TRIM36: variants seen among roughly 807,000 people sequenced by gnomAD.
TRIM36 encodes the protein tripartite motif containing 36.
Under a neutral mutation model 72.4 loss-of-function variants are expected in TRIM36, and 42 were observed. The ratio of observed to expected loss-of-function variants is 0.58; its 90% CI spans 0.45 to 0.75. The LOEUF (loss-of-function observed/expected upper bound fraction) is 0.75, where lower values mean the gene tolerates loss of function less well. Ranked by LOEUF, TRIM36 falls within the 30% of genes least tolerant of loss-of-function variation. The pLI, the probability that TRIM36 is intolerant of heterozygous loss-of-function variation, is 0.00. For synonymous variants in TRIM36, 315 were observed against 282.8 expected, an observed-to-expected ratio of 1.11 and a Z score of -1.14; for missense variants, 913 against 857.1, an observed-to-expected ratio of 1.07 and a Z score of -0.81.
chr5:115,141,425 G>A, intron 4 of TRIM36, 51 bp from the exon 5 acceptor site: 1 of 1,356,446 alleles, frequency 7.4e-7, no homozygotes, highest in Non-Finnish European at 1.0e-6. Flanking sequence ...GTTTAGCAAA[G>A]ACTTTGCAGA....
chr5:115,180,166 G>T (rs1755554375), upstream of TRIM36: 2 of 867,190 alleles, frequency 2.3e-6, no homozygotes, highest in Non-Finnish European at 1.8e-6. Context: ...ACCAGGAAAA[G>T]AGGGGAAGCG....
At chr5:115,157,146 T>TA (rs757876573) in intron 2 of TRIM36, among the ~76,000 whole-genome samples, 8,714 of 126,512 alleles carry the variant, frequency 0.069, 267 homozygotes, top group Non-Finnish European at 0.083. Flanking sequence ...ATGGCCATAA[T>TA]AAAAAAAAAA....
intron 9 of TRIM36, among the ~76,000 whole-genome samples, chr5:115,127,979 C>T (rs1752442275): frequency 6.6e-6 from 1 of 151,334 alleles, no homozygotes; most frequent in African/African-American, 2.4e-5. Flanking sequence ...TGATGTTGAC[C>T]CTGGATAGGC....
At chr5:115,173,765 T>C (rs2126955337), upstream of TRIM36, among the ~76,000 whole-genome samples, 1 of 152,328 alleles carries the variant, frequency 6.6e-6, no homozygotes, top group Middle Eastern at 3.4e-3. Flanking sequence ...TCCTCCGCAG[T>C]TTGGAGTATC....
intron 1 of TRIM36, chr5:115,177,408 A>G: frequency 1.8e-6 from 1 of 567,570 alleles, no homozygotes; most frequent in Non-Finnish European, 2.3e-6. Flanking sequence ...AGGGCAGGCC[A>G]ACTACAGGCC....
rs1254207559 is a variant in TRIM36 at position 115,144,750 on chromosome 5, G to A, written c.589-6C>T. On this transcript the variant is annotated splice_region_variant and splice_polypyrimidine_tract_variant and intron_variant, in intron 3 of 9. Coordinates refer to ENST00000513154, the MANE Select transcript of TRIM36 (RefSeq NM_001300759.2). ...TGTTCTGGGCACATTAAAATCTATT[G>A]AGTAAAGAATAAAAGTGTGATTAAG... 2 of 1,608,990 alleles carry A rather than the reference G, an allele frequency of 1.2e-6. No individual in the cohort carries two copies. Among genetic ancestry groups the A allele is most frequent in the Non-Finnish European group, 1.7e-6 (2 of 1,178,760 alleles).
At chr5:115,170,487 C>A (rs1366000793), upstream of TRIM36, among the ~76,000 whole-genome samples, 2 of 152,176 alleles carry the variant, frequency 1.3e-5, no homozygotes, top group East Asian at 3.9e-4. Context: ...CAGAGTGAGA[C>A]CCCGCCCGCC....
chr5:115,154,603 T>G (rs531102258), intron 2 of TRIM36, among the ~76,000 whole-genome samples: 29 of 152,200 alleles, frequency 1.9e-4, no homozygotes, highest in African/African-American at 7.0e-4. Context: ...AGATAAATTA[T>G]TGGAAAGATA....
chr5:115,153,226 C>A (rs1030059669), intron 2 of TRIM36, among the ~76,000 whole-genome samples: 1 of 152,126 alleles, frequency 6.6e-6, no homozygotes, highest in African/African-American at 2.4e-5. Context: ...CAAAAGCCAG[C>A]AGGAGTAGGT....
At chr5:115,148,315 C>G (rs73251529) in intron 2 of TRIM36, 1 of 984,046 alleles carries the variant, frequency 1.0e-6, no homozygotes, top group Non-Finnish European at 1.2e-6. Flanking sequence ...AATCAAGAAA[C>G]CAATGCATGA....
At chr5:115,148,136 C>T (rs190363290) in intron 2 of TRIM36, among the ~76,000 whole-genome samples, 1 of 152,138 alleles carries the variant, frequency 6.6e-6, no homozygotes, top group Admixed American at 6.5e-5. Flanking sequence ...TTAAGAGGGA[C>T]CAACCATTTA....
At chr5:115,141,776 G>GCA (rs139837933) in intron 4 of TRIM36, among the ~76,000 whole-genome samples, 33 of 151,070 alleles carry the variant, frequency 2.2e-4, no homozygotes, top group Non-Finnish European at 3.7e-4. Flanking sequence ...ACACCCACGT[G>GCA]CACACACACA....
intron 1 of TRIM36, among the ~76,000 whole-genome samples, chr5:115,175,694 A>T (rs374217582): frequency 6.6e-6 from 1 of 151,682 alleles, no homozygotes; most frequent in Non-Finnish European, 1.5e-5. Flanking sequence ...AAAAAAAATA[A>T]GAGGAAAATT....
chr5:115,177,386 A>T (rs979498189), intron 1 of TRIM36: 35 of 319,672 alleles, frequency 1.1e-4, no homozygotes, highest in Non-Finnish European at 1.5e-4. Context: ...ACTTTGAGGG[A>T]TGGTGGGGCG....
intron 1 of TRIM36, chr5:115,177,950 C>G (rs572659372): frequency 6.8e-5 from 101 of 1,475,982 alleles, no homozygotes; most frequent in Non-Finnish European, 7.7e-5. Context: ...TGTGTTTTTT[C>G]ATTATAGTGA....
At chr5:115,173,522 ATG>A (rs57515389), upstream of TRIM36, among the ~76,000 whole-genome samples, 212 of 148,050 alleles carry the variant, frequency 1.4e-3, no homozygotes, top group Admixed American at 1.8e-3. Flanking sequence ...GTGTATTTGA[ATG>A]TGTGTGTGTG....
At chr5:115,171,310 A>C, upstream of TRIM36, 2 of 1,558,410 alleles carry the variant, frequency 1.3e-6, no homozygotes, top group Non-Finnish European at 1.7e-6. Flanking sequence ...TGAGGTGAAC[A>C]GAGGACGAAA....
chr5:115,156,070 C>A (rs1185840469), intron 2 of TRIM36, among the ~76,000 whole-genome samples: 2 of 151,708 alleles, frequency 1.3e-5, no homozygotes, highest in Non-Finnish European at 2.9e-5. Context: ...GCAAAAAAAA[C>A]CCCAAAACCA....
rs140996178 is a variant in TRIM36 at position 115,139,519 on chromosome 5, G to T, written c.831+1760C>A. 9.2e-3 allele frequency among the ~76,000 whole-genome samples: 1,398 copies of T among 152,308 alleles called. 60 individuals are homozygous for T. The highest frequency in any genetic ancestry group is 0.078 in the Admixed American group (1,192 of 15,290). ...CTATAATGAAAGGAAATTTTTTCCA[G>T]ATCTCCTGTTTCCTAACCCCGACAG... On this transcript the variant is annotated intron_variant, in intron 5 of 9. Transcript: ENST00000513154.
Sources: allele counts gnomAD v4.1 joint callset (sites outside exome capture counted in the v4.1 genomes callset), GRCh38; gene constraint gnomAD v4.1.1; transcripts MANE v1.5; gene names NCBI Gene and HGNC (gene_info 2026-07-23, HGNC 2026-07-21).